The following COL9A2 variants were observed in gnomAD, a reference collection of about 807,000 sequenced individuals.
The protein encoded by COL9A2 is collagen type IX alpha 2 chain.
In COL9A2, 66 loss-of-function variants were observed where a neutral mutation model predicts 111.6. The observed-to-expected ratio is 0.59, with a 90% CI of 0.48 to 0.73. The LOEUF is 0.73. COL9A2 is among the 30% of genes least tolerant of loss of function. COL9A2 has a pLI of 0.00. For missense variants in COL9A2, 881 were observed against 954.1 expected (o/e 0.92, Z 1.01); for synonymous variants, 353 against 364.1 (o/e 0.97, Z 0.35).
Position 40,303,027 on chromosome 1 carries a change from G to C in COL9A2, c.1603+104C>G, listed in dbSNP as rs909896842. 2.3e-6 allele frequency: 3 copies of C among 1,289,426 alleles called. No homozygotes were observed. The highest frequency in any genetic ancestry group is 2.9e-5 in the African/African-American group (2 of 68,090). 79.9% of individuals were successfully genotyped at this position (1,289,426 alleles called of 1,614,324 possible). ...GAGACTGGACTGGAAGGAGCCCCCA[G>C]GACTCCAGATTTTCAGACAAGTGAA... On this transcript the variant is annotated intron_variant, in intron 29 of 31. Coordinates refer to ENST00000372748, the MANE Select transcript of COL9A2 (RefSeq NM_001852.4). The surrounding 1 kb of genome is among the most constrained non-coding windows in gnomAD (Gnocchi z 4.6).
In COL9A2 at chr1:40,303,828, G is replaced by C; in HGVS notation, c.1380C>G (p.Gly460=). The C allele has an allele frequency of 6.4e-7, 1 of 1,560,178 alleles. No individual in the cohort carries two copies. The highest frequency in any genetic ancestry group is 8.7e-7 in the Non-Finnish European group (1 of 1,153,262). Reference sequence around the variant, plus strand: ...TCACCTGTCCCTTGGGCCCCGGCTCGCCGGACTCGCCCTGCAGGCACAAGG... The same window carrying C: ...TCACCTGTCCCTTGGGCCCCGGCTCCCCGGACTCGCCCTGCAGGCACAAGG... The part of the protein sequence containing the change: ...PGEKGEKGES[G]EPGPKGQQGV... Residue 460 remains glycine, a synonymous_variant, in exon 27 of 32, where the codon GGC becomes GGG. Coordinates refer to ENST00000372748, the MANE Select transcript of COL9A2 (RefSeq NM_001852.4). This position sits in a 1 kb window ranked among gnomAD's most constrained non-coding sequence, Gnocchi z 4.6.
chr1:40,312,476 G>A lies in COL9A2; in HGVS notation c.343C>T (p.Pro115Ser), dbSNP rs755106661. 3.1e-6 allele frequency: 5 copies of A among 1,613,768 alleles called. No homozygotes were observed. Among genetic ancestry groups the A allele is most frequent in the Non-Finnish European group, 4.2e-6 (5 of 1,179,862 alleles). ...GLPGPPGLPG[P>S]GFAGPPGPPG... ...CTTACAGGAGGTCCAGCAAAACCAG[G>A]GCCCTGGAACAGAAAGAAAGAAAAT... The change falls in exon 7 of 32, where the codon CCT becomes TCT. Residue 115 changes from proline to serine, a missense_variant. By Grantham distance (74) the Pro-to-Ser change is moderately conservative (BLOSUM62 -1). Transcript: ENST00000372748. The surrounding 1 kb of genome is among the most constrained non-coding windows in gnomAD (Gnocchi z 6.0).
At position 40,312,426 on chromosome 1, in the gene COL9A2, G is replaced by A. The variant is rs757633582; in HGVS notation, c.363+30C>T. The A allele has an allele frequency of 1.2e-5, 20 of 1,611,138 alleles. No homozygotes were observed. The highest frequency in any genetic ancestry group is 1.3e-5 in the African/African-American group (1 of 74,738). On this transcript the variant is annotated intron_variant, in intron 7 of 31. Coordinates refer to ENST00000372748, the MANE Select transcript of COL9A2 (RefSeq NM_001852.4). This position sits in a 1 kb window ranked among gnomAD's most constrained non-coding sequence, Gnocchi z 6.0. The stretch of plus-strand genomic sequence containing the variant: ...TGTCCCCTCCTTCCCTGGGAGTTCT[G>A]GGGATCCTGCCCCATCCCTGAGGAC...
intron 2 of COL9A2, 73 bp downstream of exon 2, chr1:40,315,517 C>G: frequency 6.6e-7 from 1 of 1,508,668 alleles, no homozygotes; most frequent in Non-Finnish European, 9.0e-7. Flanking sequence ...GTCCCCACCC[C>G]CACCACAGCG....
At position 40,307,764 on chromosome 1, in the gene COL9A2, G is replaced by C. The variant is rs1184279200; in HGVS notation, c.901-8C>G. Reference sequence around the variant, plus strand: ...GTTGATGCCTGGGGGGCCCTACCCAGGAGGAAAGTTCAAGGGAGAGTGATA... The same window carrying C: ...GTTGATGCCTGGGGGGCCCTACCCACGAGGAAAGTTCAAGGGAGAGTGATA... On this transcript the variant is annotated splice_region_variant and splice_polypyrimidine_tract_variant and intron_variant, in intron 17 of 31. Coordinates refer to ENST00000372748, the MANE Select transcript of COL9A2 (RefSeq NM_001852.4). The surrounding 1 kb of genome is among the most constrained non-coding windows in gnomAD (Gnocchi z 4.8). The C allele has an allele frequency of 1.2e-6, 2 of 1,614,082 alleles. No individual in the cohort carries two copies. Among genetic ancestry groups the C allele is most frequent in the African/African-American group, 2.7e-5 (2 of 75,048 alleles).
At position 40,314,236 on chromosome 1, in the gene COL9A2, G is replaced by T. The variant is rs747646622; in HGVS notation, c.218C>A (p.Pro73Gln). Residue 73 changes from proline (P) to glutamine (Q), a missense_variant, in exon 4 of 32, where the codon CCA (proline) becomes CAA (glutamine). Transcript: ENST00000372748. The surrounding 1 kb of genome is among the most constrained non-coding windows in gnomAD (Gnocchi z 4.1). ...CCCGGGCTTCCCGTCTGGCCCATCTGGCCCAGCTTTGCCAGGCTCGCCCTT... is the reference window on the plus strand; with the variant it reads ...CCCGGGCTTCCCGTCTGGCCCATCTTGCCCAGCTTTGCCAGGCTCGCCCTT... Reference protein sequence around the residue: ...GPKGEPGKAGPDGPDGKPGID... With the variant: ...GPKGEPGKAGQDGPDGKPGID... The T allele has an allele frequency of 5.0e-6, 8 of 1,614,106 alleles. No individual in the cohort carries two copies. In the South Asian group the frequency reaches 8.8e-5, roughly 18 times the overall value.
rs776869152 is a variant in COL9A2, at chr1:40,310,180, G to T, written c.739-16C>A. 6.2e-6 allele frequency: 10 copies of T among 1,614,120 alleles called. No individual in the cohort carries two copies. The South Asian group carries it at 7.7e-5, about 12-fold the overall frequency. ...CATGAGGGCCCTGGGGAGAGGAAAG[G>T]GTTGCAGGTCAGTCCTGGCTGAACT... On this transcript the variant is annotated splice_polypyrimidine_tract_variant and intron_variant, in intron 14 of 31. Transcript: ENST00000372748. This position sits in a 1 kb window ranked among gnomAD's most constrained non-coding sequence, Gnocchi z 4.9.
intron 2 of COL9A2, chr1:40,315,308 A>C (rs1342833068): frequency 1.6e-6 from 2 of 1,265,242 alleles, no homozygotes; most frequent in East Asian, 3.6e-5. Flanking sequence ...CAAGGAGGGG[A>C]AAGGAGAGGA....
rs995222881 is a variant in COL9A2 at position 40,312,560 on chromosome 1, C to G, written c.339+14G>C. On this transcript the variant is annotated intron_variant, in intron 6 of 31. Coordinates refer to ENST00000372748, the MANE Select transcript of COL9A2 (RefSeq NM_001852.4). This position sits in a 1 kb window ranked among gnomAD's most constrained non-coding sequence, Gnocchi z 6.0. ...CCCCAAGAGTCCCTCGAAGCCCTTG[C>G]AGGTTGTACTCACCGGAAGGCCAGG... is the stretch of plus-strand genomic sequence containing the variant. The G allele has an allele frequency of 6.2e-7, 1 of 1,614,046 alleles. No homozygotes were observed.
chr1:40,309,835 G>A (rs922552710), intron 16 of COL9A2, 103 bp downstream of exon 16: 216 of 1,109,042 alleles, frequency 1.9e-4, no homozygotes, highest in Non-Finnish European at 2.7e-4. Flanking sequence ...TCACACTCAC[G>A]CACACACTCA....
At position 40,301,795 on chromosome 1, in the gene COL9A2, C is replaced by T. The variant is rs1027482569; in HGVS notation, c.1870+17G>A. ...AGCTGAGGAACACACTGCAGCTGGG[C>T]AGGGCCAATGGCTTACCTGGGATCC... On this transcript the variant is annotated intron_variant, in intron 31 of 31. Transcript: ENST00000372748. The T allele has an allele frequency of 3.7e-6, 6 of 1,612,942 alleles. No homozygotes were observed. The highest frequency in any genetic ancestry group is 2.7e-5 in the African/African-American group (2 of 74,920).
chr1:40,311,833 G>A lies in COL9A2; in HGVS notation c.418-118C>T. The A allele has an allele frequency of 8.6e-7, 1 of 1,167,468 alleles. No homozygotes were observed. The highest frequency in any genetic ancestry group is 2.4e-5 in the East Asian group (1 of 41,960). The allele number at this position is 1,167,468 out of a possible 1,614,324, so 72.3% of individuals were successfully genotyped here. A position where few individuals can be genotyped will look rare whatever the true frequency, so the allele number is the denominator to read the frequency against. On this transcript the variant is annotated intron_variant, in intron 8 of 31. Transcript: ENST00000372748. The surrounding 1 kb of genome is among the most constrained non-coding windows in gnomAD (Gnocchi z 5.1). ...CCCTGTCTTCCCGGTCACTTTGTGA[G>A]ATCCACCATCTTGGGAGATGAAGGC...
rs1644176041 is a variant in COL9A2 at position 40,314,071 on chromosome 1, T to C, written c.249+134A>G. On this transcript the variant is annotated intron_variant, in intron 4 of 31. Coordinates refer to ENST00000372748, the MANE Select transcript of COL9A2 (RefSeq NM_001852.4). This position sits in a 1 kb window ranked among gnomAD's most constrained non-coding sequence, Gnocchi z 4.1. ...AGGAAGGTCACAAGTCATATCAAGG[T>C]GAGGGGGGCTCACAGCTGGAGAATC... is the stretch of plus-strand genomic sequence containing the variant. 1 of 991,870 alleles carries C rather than the reference T, an allele frequency of 1.0e-6. No homozygotes were observed. The highest frequency in any genetic ancestry group is 1.6e-6 in the Non-Finnish European group (1 of 617,694). 61.4% of individuals were successfully genotyped at this position (991,870 alleles called of 1,614,324 possible). A position where few individuals can be genotyped will look rare whatever the true frequency, so the allele number is the denominator to read the frequency against.
At position 40,308,490 on chromosome 1, in the gene COL9A2, GAATCC is replaced by G. The variant is rs1644065502; in HGVS notation, c.847-250_847-246del. Among the ~76,000 whole-genome samples the G allele has an allele frequency of 3.3e-5, 5 of 152,380 alleles. No homozygotes were observed. In the South Asian group the frequency reaches 1.0e-3, roughly 32 times the overall value. ...TGAGCCAGAGCAGGGGTGGGAGCCAGAATCCACTGAGACCTTGGCCAAGGCCCCAC... is the reference window on the plus strand; with the variant it reads ...TGAGCCAGAGCAGGGGTGGGAGCCAGACTGAGACCTTGGCCAAGGCCCCAC... On this transcript the variant is annotated intron_variant, in intron 16 of 31. Transcript: ENST00000372748.
Position 40,311,703 on chromosome 1 carries a change from GTCC to G in COL9A2, c.427_429del (p.Gly143del). ...CCTGGGGGCCCCGATGGTCCATCTGGTCCAGGGTCCCCCTGGAAGCAAAAGAAG... is the reference window on the plus strand; with the variant it reads ...CCTGGGGGCCCCGATGGTCCATCTGGAGGGTCCCCCTGGAAGCAAAAGAAG... On this transcript the variant is annotated inframe_deletion, in exon 9 of 32. Coordinates refer to ENST00000372748, the MANE Select transcript of COL9A2 (RefSeq NM_001852.4). This position sits in a 1 kb window ranked among gnomAD's most constrained non-coding sequence, Gnocchi z 5.1. The G allele has an allele frequency of 6.2e-7, 1 of 1,613,940 alleles. No homozygotes were observed. The highest frequency in any genetic ancestry group is 2.2e-5 in the East Asian group (1 of 44,864).
Position 40,307,629 on chromosome 1 carries a change from A to C in COL9A2, c.954+74T>G. ...GGCATGTCCATGACCTGAGGACCCC[A>C]GGCTCTTGGTGTCTAGAATCCAGGA... On this transcript the variant is annotated intron_variant, in intron 18 of 31. Transcript: ENST00000372748. The surrounding 1 kb of genome is among the most constrained non-coding windows in gnomAD (Gnocchi z 4.8). 6.3e-7 allele frequency: 1 copy of C among 1,595,266 alleles called. No individual in the cohort carries two copies. Among genetic ancestry groups the C allele is most frequent in the Non-Finnish European group, 8.6e-7 (1 of 1,166,002 alleles).
Position 40,304,787 on chromosome 1 carries a change from C to G in COL9A2, c.1161+7G>C. 1 of 1,550,290 alleles carries G rather than the reference C, an allele frequency of 6.5e-7. No individual in the cohort carries two copies. Among genetic ancestry groups the G allele is most frequent in the Non-Finnish European group, 8.7e-7 (1 of 1,146,472 alleles). On this transcript the variant is annotated splice_region_variant and intron_variant, in intron 22 of 31. Transcript: ENST00000372748. The stretch of plus-strand genomic sequence containing the variant: ...CCCGGGGAGGGGCCATTGTGCCAGG[C>G]ACTTACCTTCTGTCCCATGATGCCC...
chr1:40,314,285 A>G lies in COL9A2; in HGVS notation c.187-18T>C, dbSNP rs777023418. 3 of 1,614,182 alleles carry G rather than the reference A, an allele frequency of 1.9e-6. No homozygotes were observed. The South Asian group carries it at 3.3e-5, about 18-fold the overall frequency. The stretch of plus-strand genomic sequence containing the variant: ...TTGGGTCCCTTGAAAACAGAGATGG[A>G]ACAAACATGAGCCAGAGGAGGGCAA... On this transcript the variant is annotated intron_variant, in intron 3 of 31. Coordinates refer to ENST00000372748, the MANE Select transcript of COL9A2 (RefSeq NM_001852.4). The surrounding 1 kb of genome is among the most constrained non-coding windows in gnomAD (Gnocchi z 4.1).
At position 40,312,601 on chromosome 1, in the gene COL9A2, G is replaced by A. The variant is rs144072834; in HGVS notation, c.312C>T (p.Pro104=). 3.6e-4 allele frequency: 580 copies of A among 1,614,052 alleles called. No individual in the cohort carries two copies. The African/African-American group carries it at 6.8e-3, about 19-fold the overall frequency. ...PMGIPGVKGQ[P]GLPGPPGLPG... ...GAAGGCCAGGAGGACCAGGAAGCCC[G>A]GGCTGGCCCTGCAGAAGCAACGAGA... The change falls in exon 6 of 32, where the codon CCC becomes CCT. Residue 104 remains proline (P), a synonymous_variant. Transcript: ENST00000372748. This position sits in a 1 kb window ranked among gnomAD's most constrained non-coding sequence, Gnocchi z 6.0.
Sources: allele counts gnomAD v4.1 joint callset (sites outside exome capture counted in the v4.1 genomes callset), GRCh38; gene constraint gnomAD v4.1.1; non-coding constraint Gnocchi (gnomAD v3.1); transcripts MANE v1.5; gene names NCBI Gene and HGNC (gene_info 2026-07-23, HGNC 2026-07-21).